Variants in SLC9C1 observed in about 807,000 individuals in gnomAD.
The protein encoded by SLC9C1 is sodium/hydrogen exchanger 10.
SLC9C1 carries 97 observed loss-of-function variants against 140.9 expected under a neutral mutation model. That is an observed-to-expected ratio of 0.69 (90% CI 0.58 to 0.82). SLC9C1 has a LOEUF of 0.82. SLC9C1 is among the 40% of genes least tolerant of loss of function. The probability of loss-of-function intolerance (pLI) is 0.00; values close to 1 mark genes in which losing one functional copy is unlikely to be tolerated. For synonymous variants in SLC9C1, 440 were observed against 442.6 expected, an observed-to-expected ratio of 0.99 and a Z score of 0.07; for missense variants, 1,340 against 1,389.3, an observed-to-expected ratio of 0.96 and a Z score of 0.56.
chr3:112,226,286 C>G (rs2078680100), intron 13 of SLC9C1, among the ~76,000 whole-genome samples: 1 of 152,020 alleles, frequency 6.6e-6, no homozygotes, highest in African/African-American at 2.4e-5. Context: ...GTTCCTCAAC[C>G]ACTGATAGAT....
chr3:112,226,339 A>C (rs1248362182), intron 13 of SLC9C1, among the ~76,000 whole-genome samples: 2 of 152,192 alleles, frequency 1.3e-5, no homozygotes, highest in Non-Finnish European at 2.9e-5. Context: ...TTTGAAACAA[A>C]AGTAGAAACA....
intron 4 of SLC9C1, 89 bp from the exon 5 acceptor site, chr3:112,277,949 A>C: frequency 1.8e-6 from 2 of 1,124,504 alleles, no homozygotes; most frequent in South Asian, 1.7e-5. Context: ...GAGATACAGA[A>C]TCAACCAACA....
chr3:112,146,903 T>C (rs553119818), intron 28 of SLC9C1, among the ~76,000 whole-genome samples: 15 of 152,336 alleles, frequency 9.8e-5, no homozygotes, highest in African/African-American at 3.4e-4. Context: ...GGAGTTAAAG[T>C]CCCTCACTAG....
chr3:112,167,359 C>T lies in SLC9C1; in HGVS notation c.3238-12G>A. The stretch of plus-strand genomic sequence containing the variant: ...TCAATACTTTGTATCTGAAAGTTGA[C>T]AGAATGCAAGTTAATTTCTGAGCAA... On this transcript the variant is annotated splice_polypyrimidine_tract_variant and intron_variant, in intron 25 of 28. Coordinates refer to ENST00000305815, the MANE Select transcript of SLC9C1 (RefSeq NM_183061.3). The T allele has an allele frequency of 6.4e-7, 1 of 1,570,606 alleles. No individual in the cohort carries two copies.
At chr3:112,264,471 T>A (rs1450869733) in intron 8 of SLC9C1, 128 bp from the exon 9 acceptor site, 3 of 416,696 alleles carry the variant, frequency 7.2e-6, no homozygotes, top group Non-Finnish European at 1.2e-5. Context: ...TACAAACAAC[T>A]TTGACTTGTA....
chr3:112,213,668 A>G (rs2078272635), intron 15 of SLC9C1, among the ~76,000 whole-genome samples: 2 of 152,228 alleles, frequency 1.3e-5, no homozygotes, highest in South Asian at 2.1e-4. Flanking sequence ...TATCCTAAAT[A>G]TATATGCACC....
chr3:112,185,596 G>C, intron 20 of SLC9C1: 2 of 1,601,924 alleles, frequency 1.2e-6, no homozygotes, highest in Non-Finnish European at 1.7e-6. Context: ...CCCAGGGCTC[G>C]CCCGAAGCCC....
chr3:112,260,762 G>T (rs955746752), intron 10 of SLC9C1, among the ~76,000 whole-genome samples: 10 of 152,070 alleles, frequency 6.6e-5, no homozygotes, highest in Admixed American at 2.0e-4. Context: ...ACCATGGCTA[G>T]TCAGAACTTA....
At chr3:112,185,633 C>G in intron 20 of SLC9C1, 2 of 1,573,738 alleles carry the variant, frequency 1.3e-6, no homozygotes, top group South Asian at 1.1e-5. Flanking sequence ...GGCTCCTGAC[C>G]CGGAAAGCTC....
intron 2 of SLC9C1, among the ~76,000 whole-genome samples, chr3:112,283,210 T>TGG (rs369783790): frequency 4.7e-4 from 71 of 152,304 alleles, no homozygotes; most frequent in African/African-American, 1.6e-3. Context: ...CGACTGGGCA[T>TGG]GGAGGCTCAT....
intron 28 of SLC9C1, among the ~76,000 whole-genome samples, chr3:112,147,962 T>A (rs1440307033): frequency 2.0e-5 from 3 of 152,354 alleles, no homozygotes; most frequent in African/African-American, 7.2e-5. Flanking sequence ...TGCTCATTTT[T>A]AAAATTCTTT....
intron 23 of SLC9C1, among the ~76,000 whole-genome samples, chr3:112,175,972 C>T (rs73853325): frequency 0.012 from 1,761 of 152,300 alleles, 41 homozygotes; most frequent in African/African-American, 0.038. Flanking sequence ...TGGTCAGTCC[C>T]CTGGATTCAG....
At chr3:112,279,104 TAAAC>T (rs1339500632) in intron 3 of SLC9C1, among the ~76,000 whole-genome samples, 1 of 151,996 alleles carries the variant, frequency 6.6e-6, no homozygotes. Flanking sequence ...CAATAACTAA[TAAAC>T]AATGTTTAAC....
At position 112,216,918 on chromosome 3, in the gene SLC9C1, T is replaced by C. The variant is rs369974276; in HGVS notation, c.1790+524A>G. On this transcript the variant is annotated intron_variant, in intron 15 of 28. Transcript: ENST00000305815. ...GACACATGCACACATATGTTTATTG[T>C]GGCACTATTCACAATAGCAAAGACT... Among the ~76,000 whole-genome samples the C allele has an allele frequency of 3.9e-4, 59 of 152,080 alleles. 2 individuals are homozygous for C. The Middle Eastern group carries it at 0.01, about 26-fold the overall frequency.
chr3:112,287,073 G>A (rs542068209), intron 1 of SLC9C1, among the ~76,000 whole-genome samples, 195 bp from the exon 2 acceptor site: 1 of 152,302 alleles, frequency 6.6e-6, no homozygotes, highest in Admixed American at 6.5e-5. Context: ...GACTACCAGT[G>A]TTACCTTATG....
At chr3:112,198,214 A>T (rs1482780928) in intron 20 of SLC9C1, among the ~76,000 whole-genome samples, 4 of 151,958 alleles carry the variant, frequency 2.6e-5, no homozygotes, top group African/African-American at 9.7e-5. Context: ...TAGAGTTTCT[A>T]ATTGTAATTG....
chr3:112,280,830 A>T, intron 2 of SLC9C1, 47 bp from the exon 3 acceptor site: 1 of 1,488,870 alleles, frequency 6.7e-7, no homozygotes, highest in Non-Finnish European at 9.3e-7. Flanking sequence ...TATCTCATTT[A>T]TAGAACTTTA....
intron 28 of SLC9C1, among the ~76,000 whole-genome samples, chr3:112,150,820 ACATATATATATATATATATAT>A (rs1560003447): frequency 0.13 from 3,996 of 31,508 alleles, 154 homozygotes; most frequent in East Asian, 0.36. Flanking sequence ...AAATACATAT[ACATATATATATATATATATAT>A]TTTTTTTTTT....
rs1008431941 is a variant in SLC9C1 at position 112,229,003 on chromosome 3, T to A, written c.1572+2358A>T. Among the ~76,000 whole-genome samples, 10 of 152,086 alleles carry A rather than the reference T, an allele frequency of 6.6e-5. No individual in the cohort carries two copies. The East Asian group carries it at 1.9e-3, about 29-fold the overall frequency. ...AATACTATTGAGCCATAAAAATGAATAAAATGCTTTCATTTGTGGCAACAT... is the reference window on the plus strand; with the variant it reads ...AATACTATTGAGCCATAAAAATGAAAAAAATGCTTTCATTTGTGGCAACAT... On this transcript the variant is annotated intron_variant, in intron 13 of 28. Transcript: ENST00000305815.
Sources: allele counts gnomAD v4.1 joint callset (sites outside exome capture counted in the v4.1 genomes callset), GRCh38; gene constraint gnomAD v4.1.1; transcripts MANE v1.5; gene names NCBI Gene and HGNC (gene_info 2026-07-23, HGNC 2026-07-21).